The following WNT2B variants were observed in gnomAD, a reference collection of about 807,000 sequenced individuals.
WNT2B encodes the protein Wnt family member 2B.
Under a neutral mutation model 40.5 loss-of-function variants are expected in WNT2B, and 19 were observed. That is an observed-to-expected ratio of 0.47 (90% CI 0.33 to 0.69). The LOEUF (loss-of-function observed/expected upper bound fraction) is 0.69. Among genes scored for constraint, WNT2B ranks in the 30% least tolerant of loss-of-function variants. WNT2B has a pLI of 0.02. For missense variants in WNT2B, 467 were observed against 556.4 expected (o/e 0.84, Z 1.62); for synonymous variants, 220 against 211.9 (o/e 1.04, Z -0.33).
rs892176102 is a variant in WNT2B, at chr1:112,509,508, G to A, written c.182+64G>A. 22 of 1,493,284 alleles carry A rather than the reference G, an allele frequency of 1.5e-5. No homozygotes were observed. Among genetic ancestry groups the A allele is most frequent in the Non-Finnish European group, 1.7e-5 (19 of 1,135,870 alleles). 92.5% of individuals were successfully genotyped at this position (1,493,284 alleles called of 1,614,324 possible). On this transcript the variant is annotated intron_variant, in intron 1 of 4. Coordinates refer to ENST00000369684, the MANE Select transcript of WNT2B (RefSeq NM_024494.3). The surrounding 1 kb of genome is among the most constrained non-coding windows in gnomAD (Gnocchi z 4.2). ...GTAGGAGAGGCCGGAGGCGCCTGGA[G>A]GGACTGGCTGCTCACGGGACCAGGC...
chr1:112,494,595 G>A (rs1355154625), intron 1 of WNT2B, among the ~76,000 whole-genome samples: 1 of 151,362 alleles, frequency 6.6e-6, no homozygotes, highest in African/African-American at 2.5e-5. Context: ...GCCCAGGCTG[G>A]AGTAAAATAT....
At chr1:112,472,927 C>T (rs1301291114) in intron 1 of WNT2B, among the ~76,000 whole-genome samples, 1 of 136,866 alleles carries the variant, frequency 7.3e-6, no homozygotes, top group East Asian at 2.4e-4. Context: ...CATGCCACTG[C>T]ACTCTAGCCT....
chr1:112,504,474 C>T (rs760060534), upstream of WNT2B, among the ~76,000 whole-genome samples: 2 of 152,116 alleles, frequency 1.3e-5, no homozygotes, highest in Non-Finnish European at 2.9e-5. Flanking sequence ...CTTTGAGACA[C>T]GTTCCACGCC....
intron 1 of WNT2B, among the ~76,000 whole-genome samples, chr1:112,488,615 G>A (rs1163076771): frequency 6.7e-6 from 1 of 148,308 alleles, no homozygotes; most frequent in African/African-American, 2.5e-5. Flanking sequence ...GCAGTGTCAC[G>A]ATCCTGGCTC....
At chr1:112,470,310 G>A (rs990884357) in intron 1 of WNT2B, among the ~76,000 whole-genome samples, 3 of 152,002 alleles carry the variant, frequency 2.0e-5, no homozygotes, top group African/African-American at 7.3e-5. Flanking sequence ...CACTCTCAGC[G>A]GGGTGCGATG....
chr1:112,518,003 T>G (rs924596509), intron 4 of WNT2B: 2 of 152,290 alleles, frequency 1.3e-5, no homozygotes, highest in African/African-American at 2.4e-5. Flanking sequence ...AGGTTCTCTC[T>G]AAGGGAGATT....
At chr1:112,505,019 G>A (rs1314750000), upstream of WNT2B, among the ~76,000 whole-genome samples, 3 of 152,226 alleles carry the variant, frequency 2.0e-5, no homozygotes, top group African/African-American at 7.2e-5. Flanking sequence ...AGAACAGAGT[G>A]AAAAGAAATC....
chr1:112,513,675 A>G (rs2101087215), intron 1 of WNT2B, among the ~76,000 whole-genome samples: 2 of 152,248 alleles, frequency 1.3e-5, no homozygotes. Flanking sequence ...AGGCTCATTC[A>G]TAGCTCAAAC....
chr1:112,481,761 A>G (rs1028772098), intron 1 of WNT2B, among the ~76,000 whole-genome samples: 1 of 152,200 alleles, frequency 6.6e-6, no homozygotes, highest in African/African-American at 2.4e-5. Context: ...CCATAAGCCT[A>G]GCACTTTGGG....
chr1:112,516,375 C>G lies in WNT2B; in HGVS notation c.639C>G (p.Ala213=). The G allele has an allele frequency of 6.2e-7, 1 of 1,613,784 alleles. No homozygotes were observed. The highest frequency in any genetic ancestry group is 1.3e-5 in the African/African-American group (1 of 74,956). The change falls in exon 3 of 5, where the codon GCC becomes GCG. Residue 213 remains alanine, a synonymous_variant. Coordinates refer to ENST00000369684, the MANE Select transcript of WNT2B (RefSeq NM_024494.3). The part of the protein sequence containing the change: ...VDAKEKRLKD[A]RALMNLHNNR... ...CCAAGGAGAAGAGGCTTAAGGATGC[C>G]CGGGCCCTCATGAACTTACATAATA...
intron 1 of WNT2B, among the ~76,000 whole-genome samples, chr1:112,492,583 A>G (rs947278652): frequency 5.9e-5 from 9 of 152,216 alleles, no homozygotes; most frequent in African/African-American, 1.9e-4. Flanking sequence ...GGGGGAAGGA[A>G]AAGTAACCAT....
chr1:112,520,384 C>A lies in WNT2B; in HGVS notation c.1051C>A (p.Arg351Ser). 6.2e-7 allele frequency: 1 copy of A among 1,614,080 alleles called. No individual in the cohort carries two copies. The highest frequency in any genetic ancestry group is 8.5e-7 in the Non-Finnish European group (1 of 1,180,026). Residue 351 changes from arginine (R) to serine (S), a missense_variant, in exon 5 of 5, where the codon CGT (arginine) becomes AGT (serine). This residue lies in a region of WNT2B where 330 missense variants were observed against 438.6 expected (regional missense o/e 0.75). Transcript: ENST00000369684. The part of the protein sequence containing the change: ...GRGYDTTRVT[R>S]VTQCECKFHW... ...AGGGTACGACACAACTCGAGTCACC[C>A]GTGTTACCCAGTGTGAGTGCAAATT...
intron 1 of WNT2B, among the ~76,000 whole-genome samples, chr1:112,499,943 T>C (rs1182337567): frequency 6.6e-6 from 1 of 152,210 alleles, no homozygotes; most frequent in African/African-American, 2.4e-5. Context: ...TGATCATTAA[T>C]TCCACAAAGC....
chr1:112,478,330 A>G (rs1206904244), intron 1 of WNT2B, among the ~76,000 whole-genome samples: 1 of 152,174 alleles, frequency 6.6e-6, no homozygotes, highest in African/African-American at 2.4e-5. Flanking sequence ...CCAAATCTTG[A>G]GAGAGATATA....
At chr1:112,505,341 A>T (rs1652075454), upstream of WNT2B, among the ~76,000 whole-genome samples, 1 of 152,212 alleles carries the variant, frequency 6.6e-6, no homozygotes, top group Non-Finnish European at 1.5e-5. Context: ...TTATATTTCC[A>T]TGAAAATGCC....
At chr1:112,514,516 A>G (rs1652459369) in intron 1 of WNT2B, among the ~76,000 whole-genome samples, 1 of 152,160 alleles carries the variant, frequency 6.6e-6, no homozygotes, top group South Asian at 2.1e-4. Context: ...TTATGTTTCC[A>G]TGAAGCTCTT....
intron 1 of WNT2B, among the ~76,000 whole-genome samples, chr1:112,469,059 G>T (rs1192703410): frequency 1.3e-5 from 2 of 149,682 alleles, no homozygotes; most frequent in Non-Finnish European, 3.0e-5. Context: ...TATTGAAGAG[G>T]GTGTTCTTTC....
chr1:112,469,723 C>T (rs1340828560), intron 1 of WNT2B, among the ~76,000 whole-genome samples: 2 of 152,008 alleles, frequency 1.3e-5, no homozygotes, highest in African/African-American at 4.8e-5. Flanking sequence ...AAGCTATTCT[C>T]CTGCCTCAGC....
rs757265581 is a variant in WNT2B at position 112,520,626 on chromosome 1, G to A, written c.*117G>A. 29 of 1,084,994 alleles carry A rather than the reference G, an allele frequency of 2.7e-5. No individual in the cohort carries two copies. The highest frequency in any genetic ancestry group is 3.4e-5 in the Non-Finnish European group (25 of 742,260). 67.2% of individuals were successfully genotyped at this position (1,084,994 alleles called of 1,614,324 possible). On this transcript the variant is annotated 3_prime_UTR_variant, in exon 5 of 5. Coordinates refer to ENST00000369684, the MANE Select transcript of WNT2B (RefSeq NM_024494.3). ...CTGGGCTGCTACCGCTTCTATTTAA[G>A]GATGTAGAGAGTAATCCATAGGGAC...
Sources: allele counts gnomAD v4.1 joint callset (sites outside exome capture counted in the v4.1 genomes callset), GRCh38; gene constraint gnomAD v4.1.1; regional missense constraint gnomAD v4.1.1; non-coding constraint Gnocchi (gnomAD v3.1); transcripts MANE v1.5; gene names NCBI Gene and HGNC (gene_info 2026-07-23, HGNC 2026-07-21).